Variants in COL8A1 observed in about 807,000 individuals in gnomAD.
COL8A1 encodes the protein collagen type VIII alpha 1 chain, also known as collagen alpha-1(VIII) chain.
COL8A1 carries 21 observed loss-of-function variants against 42.7 expected under a neutral mutation model. The observed-to-expected ratio is 0.49, with a 90% CI of 0.35 to 0.71. The LOEUF (loss-of-function observed/expected upper bound fraction) is 0.71, where lower values mean the gene tolerates loss of function less well. Ranked by LOEUF, COL8A1 falls within the 30% of genes least tolerant of loss-of-function variation. The pLI, the probability that COL8A1 is intolerant of heterozygous loss-of-function variation, is 0.01. For missense variants in COL8A1, 788 were observed against 962.4 expected (o/e 0.82, Z 2.40); for synonymous variants, 367 against 369.1 (o/e 0.99, Z 0.06).
At chr3:99,706,962 T>C (rs1939696446) in intron 1 of COL8A1, 1 of 152,206 alleles carries the variant, frequency 6.6e-6, no homozygotes, top group South Asian at 2.1e-4. Context: ...TTTTCAAATG[T>C]TTAGCTCTCC....
chr3:99,769,790 G>T (rs904298026), intron 2 of COL8A1, among the ~76,000 whole-genome samples: 1 of 152,100 alleles, frequency 6.6e-6, no homozygotes, highest in Non-Finnish European at 1.5e-5. Flanking sequence ...GTGGTGGTAC[G>T]CACTTGCAGT....
intron 2 of COL8A1, among the ~76,000 whole-genome samples, chr3:99,758,125 A>C (rs1050748645): frequency 6.6e-6 from 1 of 152,206 alleles, no homozygotes; most frequent in Non-Finnish European, 1.5e-5. Context: ...GTGACATCAC[A>C]CTTTAAAAAT....
intron 1 of COL8A1, among the ~76,000 whole-genome samples, chr3:99,673,385 C>G (rs1938602537): frequency 6.6e-6 from 1 of 152,002 alleles, no homozygotes; most frequent in Non-Finnish European, 1.5e-5. Context: ...ACTCAAAAGA[C>G]TTTTCAGACT....
chr3:99,752,374 ATATTAT>A (rs1941168045), intron 2 of COL8A1, among the ~76,000 whole-genome samples: 1 of 152,024 alleles, frequency 6.6e-6, no homozygotes, highest in Non-Finnish European at 1.5e-5. Flanking sequence ...AGTGGTAGTA[ATATTAT>A]TATTATTTAT....
At chr3:99,652,402 TATCTACA>T (rs1406802837) in intron 1 of COL8A1, among the ~76,000 whole-genome samples, 1 of 152,244 alleles carries the variant, frequency 6.6e-6, no homozygotes, top group African/African-American at 2.4e-5. Context: ...GGAGGGGTTT[TATCTACA>T]ATTTACACAT....
At chr3:99,649,725 C>T (rs1470724112) in intron 1 of COL8A1, among the ~76,000 whole-genome samples, 1 of 152,092 alleles carries the variant, frequency 6.6e-6, no homozygotes, top group East Asian at 1.9e-4. Context: ...TCCACATCTC[C>T]CTTTCCTCCC....
chr3:99,720,537 A>T (rs972000415), intron 1 of COL8A1, among the ~76,000 whole-genome samples: 1 of 152,194 alleles, frequency 6.6e-6, no homozygotes, highest in Non-Finnish European at 1.5e-5. Flanking sequence ...AGGCGATAAC[A>T]TTATAAAAAT....
chr3:99,653,589 C>A (rs184531156), intron 1 of COL8A1, among the ~76,000 whole-genome samples: 2 of 151,324 alleles, frequency 1.3e-5, no homozygotes, highest in Admixed American at 1.3e-4. Context: ...GTGTATGTGT[C>A]TGTGTGTGTG....
intron 1 of COL8A1, among the ~76,000 whole-genome samples, chr3:99,649,910 T>C (rs1937785694): frequency 6.6e-6 from 1 of 152,206 alleles, no homozygotes; most frequent in African/African-American, 2.4e-5. Flanking sequence ...GTGCTCCATA[T>C]ACCAGGTTAC....
rs1354318040 is a variant in COL8A1, at chr3:99,795,845, G to A, written c.1944G>A (p.Pro648=). ...ATAACGGCAGACAGAACTACAACCC[G>A]CAGACAGGCATCTTCACCTGTGAGG... ...LLYNGRQNYN[P]QTGIFTCEVP... Residue 648 remains proline, a synonymous_variant, in exon 4 of 4, where the codon CCG becomes CCA. Coordinates refer to ENST00000652472, the MANE Select transcript of COL8A1 (RefSeq NM_020351.4). The A allele has an allele frequency of 1.1e-5, 18 of 1,614,056 alleles. No individual in the cohort carries two copies. The highest frequency in any genetic ancestry group is 1.7e-5 in the Admixed American group (1 of 60,004).
At position 99,662,988 on chromosome 3, in the gene COL8A1, C is replaced by T. The variant is rs569185798; in HGVS notation, c.-129+24324C>T. Among the ~76,000 whole-genome samples, 35 of 152,254 alleles carry T rather than the reference C, an allele frequency of 2.3e-4. No individual in the cohort carries two copies. The South Asian group carries it at 7.3e-3, about 32-fold the overall frequency. ...CTTTCTCAAAGATATCATGTTTTCA[C>T]TCCCGGTAGATGACTCCACTCTGAC... On this transcript the variant is annotated intron_variant, in intron 1 of 3. Transcript: ENST00000652472.
chr3:99,788,653 T>A (rs1056408245), intron 2 of COL8A1, among the ~76,000 whole-genome samples: 2 of 152,196 alleles, frequency 1.3e-5, no homozygotes, highest in Non-Finnish European at 2.9e-5. Flanking sequence ...AACATCCAAG[T>A]CATATTTTAA....
intron 1 of COL8A1, among the ~76,000 whole-genome samples, chr3:99,677,491 A>G (rs747800030): frequency 1.4e-4 from 21 of 152,276 alleles, no homozygotes; most frequent in Non-Finnish European, 3.1e-4. Context: ...AGAGTGAAAA[A>G]TAAGGATAAA....
At chr3:99,786,537 T>C (rs1941900157) in intron 2 of COL8A1, among the ~76,000 whole-genome samples, 1 of 152,142 alleles carries the variant, frequency 6.6e-6, no homozygotes, top group South Asian at 2.1e-4. Flanking sequence ...CACTGAGAAA[T>C]TGCTGTTCTT....
At chr3:99,723,003 TTGTGTGTGTG>T (rs34062497) in intron 1 of COL8A1, among the ~76,000 whole-genome samples, 3 of 147,186 alleles carry the variant, frequency 2.0e-5, no homozygotes, top group South Asian at 2.2e-4. Flanking sequence ...GAGACCAAAG[TTGTGTGTGTG>T]TGTGTGTGTG....
At chr3:99,690,865 T>G (rs1939200348) in intron 1 of COL8A1, among the ~76,000 whole-genome samples, 1 of 152,212 alleles carries the variant, frequency 6.6e-6, no homozygotes, top group African/African-American at 2.4e-5. Context: ...TGCACAAACC[T>G]GCAAGGGGAA....
intron 2 of COL8A1, among the ~76,000 whole-genome samples, chr3:99,752,709 T>C (rs1941177583): frequency 1.5e-5 from 2 of 134,980 alleles, no homozygotes; most frequent in Non-Finnish European, 3.1e-5. Context: ...CACACACACA[T>C]GCATGTACAC....
At chr3:99,793,540 T>G (rs1485228824) in intron 3 of COL8A1, among the ~76,000 whole-genome samples, 1 of 152,180 alleles carries the variant, frequency 6.6e-6, no homozygotes, top group East Asian at 1.9e-4. Context: ...AATTTGATTT[T>G]TCTTTATACA....
chr3:99,711,008 G>A (rs1375466265), intron 1 of COL8A1, among the ~76,000 whole-genome samples: 1 of 152,158 alleles, frequency 6.6e-6, no homozygotes, highest in African/African-American at 2.4e-5. Flanking sequence ...AACTCTTAAT[G>A]GGTACCAAAA....
Sources: gnomAD v4.1 joint callset for allele counts (sites outside exome capture counted in the v4.1 genomes callset) on GRCh38, gnomAD v4.1.1 for gene constraint, MANE v1.5 for transcripts, NCBI Gene and HGNC (gene_info 2026-07-23, HGNC 2026-07-21) for gene names.